The following ZBTB47 variants were observed in gnomAD, a reference collection of about 807,000 sequenced individuals.
The protein encoded by ZBTB47 is zinc finger and BTB domain containing 47, also known as zinc finger and BTB domain-containing protein 47.
ZBTB47 carries 24 observed loss-of-function variants against 56.6 expected under a neutral mutation model. That is an observed-to-expected ratio of 0.42 (90% confidence interval 0.31 to 0.60). ZBTB47 has a LOEUF of 0.60. Among genes scored for constraint, ZBTB47 ranks in the 20% least tolerant of loss-of-function variants. ZBTB47 has a pLI of 0.14. For synonymous variants in ZBTB47, 414 were observed against 418.9 expected, an observed-to-expected ratio of 0.99 and a Z score of 0.14; for missense variants, 829 against 1,032.6, an observed-to-expected ratio of 0.80 and a Z score of 2.70.
In ZBTB47 at chr3:42,664,898, C is replaced by T. The variant is rs1577630505; in HGVS notation, c.*300C>T. 4.0e-6 allele frequency: 1 copy of T among 253,018 alleles called. No individual in the cohort carries two copies. Among genetic ancestry groups the T allele is most frequent in the East Asian group, 7.3e-5 (1 of 13,758 alleles). 15.7% of individuals were successfully genotyped at this position (253,018 alleles called of 1,614,324 possible). A position where few individuals can be genotyped will look rare whatever the true frequency, so the allele number is the denominator to read the frequency against. ...AGAAACTATTTACAGCACTCCCCTC[C>T]AGGTGAGGGGGGTGCTGGGGGTCTG... On this transcript the variant is annotated 3_prime_UTR_variant, in exon 6 of 6. Coordinates refer to ENST00000232974, the MANE Select transcript of ZBTB47 (RefSeq NM_145166.4).
rs1710742738 is a variant in ZBTB47 at position 42,663,209 on chromosome 3, A to G, written c.1737+82A>G. The stretch of plus-strand genomic sequence containing the variant: ...TCAGGGAGCGCAGCTGCTGAAAAAC[A>G]AAGGGCTAGGGGGTGGAATGTAGTG... On this transcript the variant is annotated intron_variant, in intron 4 of 5. Transcript: ENST00000232974. The surrounding 1 kb of genome is among the most constrained non-coding windows in gnomAD (Gnocchi z 5.1). 1 of 1,064,020 alleles carries G rather than the reference A, an allele frequency of 9.4e-7. No individual in the cohort carries two copies. The highest frequency in any genetic ancestry group is 1.6e-5 in the African/African-American group (1 of 64,340). 65.9% of individuals were successfully genotyped at this position (1,064,020 alleles called of 1,614,324 possible). A position where few individuals can be genotyped will look rare whatever the true frequency, so the allele number is the denominator to read the frequency against.
In ZBTB47 at chr3:42,667,286, C is replaced by T. The variant is rs1193783495; in HGVS notation, c.*2688C>T. On this transcript the variant is annotated 3_prime_UTR_variant, in exon 6 of 6. Transcript: ENST00000232974. ...CTCAGGCCTGGAGTCTGGGTCTGCC[C>T]CCTCCCCGGCTCCTTGGGGCTCTCT... 6.6e-6 allele frequency among the ~76,000 whole-genome samples: 1 copy of T among 152,194 alleles called. No individual in the cohort carries two copies. The highest frequency in any genetic ancestry group is 1.5e-5 in the Non-Finnish European group (1 of 68,038).
rs757172546 is a variant in ZBTB47 at position 42,659,395 on chromosome 3, A to AGGAGGAGGG, written c.1055_1063dup (p.Glu352_Glu354dup). ...GAGCAGGATCAAGAGAGCTCTGAGGAGGAGGAGGGGGAGGAGGGGGAGGCT... is the reference window on the plus strand; with the variant it reads ...GAGCAGGATCAAGAGAGCTCTGAGGAGGAGGAGGGGGAGGAGGGGGAGGAGGGGGAGGCT... On this transcript the variant is annotated inframe_insertion, in exon 2 of 6. Transcript: ENST00000232974. The AGGAGGAGGG allele has an allele frequency of 1.1e-6, 1 of 872,922 alleles. No homozygotes were observed. The highest frequency in any genetic ancestry group is 1.4e-6 in the Non-Finnish European group (1 of 733,150). The allele number at this position is 872,922 out of a possible 1,614,324, so 54.1% of individuals were successfully genotyped here. A position where few individuals can be genotyped will look rare whatever the true frequency, so the allele number is the denominator to read the frequency against.
chr3:42,658,149 T>A, intron 1 of ZBTB47, 126 bp from the exon 2 acceptor site: 1 of 1,062,354 alleles, frequency 9.4e-7, no homozygotes, highest in Non-Finnish European at 1.3e-6. Flanking sequence ...GCTCTGTTGC[T>A]GTAAAGTGGA....
intron 3 of ZBTB47, among the ~76,000 whole-genome samples, chr3:42,662,781 A>G (rs184582094): frequency 1.4e-3 from 215 of 152,314 alleles, no homozygotes; most frequent in African/African-American, 5.0e-3. Flanking sequence ...GAGGCTAAAG[A>G]ACCACAGAGC....
chr3:42,653,573 T>G (rs1225403786), upstream of ZBTB47: 2 of 152,520 alleles, frequency 1.3e-5, no homozygotes, highest in Non-Finnish European at 2.9e-5. Context: ...CTGCTCAGCC[T>G]GGCAGCCTTC....
rs1179964128 is a variant in ZBTB47 at position 42,658,407 on chromosome 3, G to A, written c.52G>A (p.Asp18Asn). Residue 18 changes from aspartate (D) to asparagine (N), a missense_variant, in exon 2 of 6, where the codon GAC becomes AAC. Around this residue, in one of 6 missense-constraint regions of ZBTB47, gnomAD observed 120 missense variants for 200.2 expected, o/e 0.60. Coordinates refer to ENST00000232974, the MANE Select transcript of ZBTB47 (RefSeq NM_145166.4). ...CTTCCAGCCTGACCTCTGCGACGTG[G>A]ACTTGGTGCTGGTGCCCCAGCGCAG... ...RLFQPDLCDVDLVLVPQRSVF... is the reference protein window; with the variant it reads ...RLFQPDLCDVNLVLVPQRSVF... 2.0e-6 allele frequency: 3 copies of A among 1,537,000 alleles called. No homozygotes were observed. Among genetic ancestry groups the A allele is most frequent in the Admixed American group, 2.0e-5 (1 of 51,014 alleles).
At position 42,659,737 on chromosome 3, in the gene ZBTB47, G is replaced by T. The variant is rs748657390; in HGVS notation, c.1382G>T (p.Arg461Leu). ...AAACACATGAATGTGACCCACAGCCGCATGCAGATCTGCGACCAGTGCGGC... is the reference window on the plus strand; with the variant it reads ...AAACACATGAATGTGACCCACAGCCTCATGCAGATCTGCGACCAGTGCGGC... ...LEKHMNVTHS[R>L]MQICDQCGKR... The change falls in exon 2 of 6, where the codon CGC becomes CTC. Residue 461 changes from arginine to leucine, a missense_variant. Around this residue, in one of 6 missense-constraint regions of ZBTB47, gnomAD observed 187 missense variants for 253.1 expected, o/e 0.74. Transcript: ENST00000232974. 6.2e-7 allele frequency: 1 copy of T among 1,613,800 alleles called. No homozygotes were observed. The highest frequency in any genetic ancestry group is 8.5e-7 in the Non-Finnish European group (1 of 1,179,820).
At chr3:42,662,537 C>T (rs1577628791) in intron 3 of ZBTB47, among the ~76,000 whole-genome samples, 1 of 152,214 alleles carries the variant, frequency 6.6e-6, no homozygotes, top group African/African-American at 2.4e-5. Context: ...AGACTGCTGG[C>T]TAGGGCCTGA....
chr3:42,660,865 C>T (rs1710707422), intron 2 of ZBTB47, among the ~76,000 whole-genome samples: 1 of 152,192 alleles, frequency 6.6e-6, no homozygotes, highest in Non-Finnish European at 1.5e-5. Context: ...AAGCCTTGGC[C>T]TAGCCTCCAT....
Position 42,654,763 on chromosome 3 carries a change from G to A in ZBTB47, c.-82+880G>A. 1.0e-6 allele frequency: 1 copy of A among 970,790 alleles called. No individual in the cohort carries two copies. The highest frequency in any genetic ancestry group is 1.2e-6 in the Non-Finnish European group (1 of 816,654). 60.1% of individuals were successfully genotyped at this position (970,790 alleles called of 1,614,324 possible). A position where few individuals can be genotyped will look rare whatever the true frequency, so the allele number is the denominator to read the frequency against. ...GCCAGCTCTGACCTCCCAGGCACAC[G>A]GCCCGCGGGCCCGGGTGGAGGGGCT... is the stretch of plus-strand genomic sequence containing the variant. On this transcript the variant is annotated intron_variant, in intron 1 of 5. Coordinates refer to ENST00000232974, the MANE Select transcript of ZBTB47 (RefSeq NM_145166.4). The surrounding 1 kb of genome is among the most constrained non-coding windows in gnomAD (Gnocchi z 5.0).
rs1710614554 is a variant in ZBTB47 at position 42,654,634 on chromosome 3, T to G, written c.-82+751T>G. On this transcript the variant is annotated intron_variant, in intron 1 of 5. Transcript: ENST00000232974. The surrounding 1 kb of genome is among the most constrained non-coding windows in gnomAD (Gnocchi z 5.0). Reference sequence around the variant, plus strand: ...GGCGCTTCATGGAGCGGCCCTGGCCTGGCCGCCGGGGGCAGCGCGATCCCG... The same window carrying G: ...GGCGCTTCATGGAGCGGCCCTGGCCGGGCCGCCGGGGGCAGCGCGATCCCG... 1.0e-6 allele frequency: 1 copy of G among 982,722 alleles called. No individual in the cohort carries two copies. The highest frequency in any genetic ancestry group is 6.2e-5 in the Admixed American group (1 of 16,172). The allele number at this position is 982,722 out of a possible 1,614,324, so 60.9% of individuals were successfully genotyped here. A position where few individuals can be genotyped will look rare whatever the true frequency, so the allele number is the denominator to read the frequency against.
rs1426991401 is a variant in ZBTB47, at chr3:42,663,172, G to T, written c.1737+45G>T. ...CTGGCCTGCCCGAGGGGTCACCTGGGAGGGGCAGGAATCAGGGAGCGCAGC... is the reference window on the plus strand; with the variant it reads ...CTGGCCTGCCCGAGGGGTCACCTGGTAGGGGCAGGAATCAGGGAGCGCAGC... On this transcript the variant is annotated intron_variant, in intron 4 of 5. Transcript: ENST00000232974. This position sits in a 1 kb window ranked among gnomAD's most constrained non-coding sequence, Gnocchi z 5.1. 1.4e-6 allele frequency: 2 copies of T among 1,436,398 alleles called. No individual in the cohort carries two copies. Among genetic ancestry groups the T allele is most frequent in the Non-Finnish European group, 2.0e-6 (2 of 1,019,094 alleles). The allele number at this position is 1,436,398 out of a possible 1,614,324, so 89.0% of individuals were successfully genotyped here.
chr3:42,664,340 C>T lies in ZBTB47; in HGVS notation c.1986C>T (p.Cys662=), dbSNP rs539367074. The T allele has an allele frequency of 4.5e-4, 730 of 1,613,048 alleles. 6 individuals carry two copies. In the East Asian group the frequency reaches 0.015, roughly 33 times the overall value. The stretch of plus-strand genomic sequence containing the variant: ...ACACGGGCGAGAAGCCGTACCCGTG[C>T]GACGTGTGTGGCCAGCGCTTCCGCT... ...RTHTGEKPYP[C]DVCGQRFRFS... The change falls in exon 6 of 6, where the codon TGC becomes TGT. Residue 662 remains cysteine, a synonymous_variant. Coordinates refer to ENST00000232974, the MANE Select transcript of ZBTB47 (RefSeq NM_145166.4).
At position 42,663,158 on chromosome 3, in the gene ZBTB47, G is replaced by A. The variant is rs755884984; in HGVS notation, c.1737+31G>A. On this transcript the variant is annotated intron_variant, in intron 4 of 5. Transcript: ENST00000232974. The surrounding 1 kb of genome is among the most constrained non-coding windows in gnomAD (Gnocchi z 5.1). ...CTTCCATCTCCTGCCTGGCCTGCCC[G>A]AGGGGTCACCTGGGAGGGGCAGGAA... 5.8e-6 allele frequency: 9 copies of A among 1,543,084 alleles called. No homozygotes were observed. Among genetic ancestry groups the A allele is most frequent in the East Asian group, 2.3e-5 (1 of 44,338 alleles).
rs1167452051 is a variant in ZBTB47 at position 42,667,530 on chromosome 3, G to A, written c.*2932G>A. On this transcript the variant is annotated 3_prime_UTR_variant, in exon 6 of 6. Coordinates refer to ENST00000232974, the MANE Select transcript of ZBTB47 (RefSeq NM_145166.4). Reference sequence around the variant, plus strand: ...CCACAGCCCCAGAGCATGGGGCACAGCAGGCATGCGAGTGAGAGGATGAAG... The same window carrying A: ...CCACAGCCCCAGAGCATGGGGCACAACAGGCATGCGAGTGAGAGGATGAAG... 1.3e-5 allele frequency among the ~76,000 whole-genome samples: 2 copies of A among 152,242 alleles called. No individual in the cohort carries two copies. Among genetic ancestry groups the A allele is most frequent in the Non-Finnish European group, 2.9e-5 (2 of 68,034 alleles).
intron 1 of ZBTB47, among the ~76,000 whole-genome samples, chr3:42,655,835 T>A (rs1477881230): frequency 6.6e-6 from 1 of 152,240 alleles, no homozygotes. Flanking sequence ...TGGTGCTGCC[T>A]TGGCTGAGAG....
Position 42,664,413 on chromosome 3 carries a change from C to A in ZBTB47, c.2059C>A (p.His687Asn). The change falls in exon 6 of 6, where the codon CAC (histidine) becomes AAC (asparagine). Residue 687 changes from histidine (H) to asparagine (N), a missense_variant. Around this residue, in one of 6 missense-constraint regions of ZBTB47, gnomAD observed 115 missense variants for 117.2 expected, o/e 0.98. Coordinates refer to ENST00000232974, the MANE Select transcript of ZBTB47 (RefSeq NM_145166.4). The part of the protein sequence containing the change: ...AHKEKCFRVS[H>N]TLAGDGVPAA... ...CAAGGAGAAGTGCTTCCGCGTCAGC[C>A]ACACCCTGGCCGGCGACGGCGTCCC... is the stretch of plus-strand genomic sequence containing the variant. The A allele has an allele frequency of 1.3e-6, 2 of 1,571,542 alleles. No individual in the cohort carries two copies. Among genetic ancestry groups the A allele is most frequent in the Non-Finnish European group, 1.7e-6 (2 of 1,160,964 alleles).
In ZBTB47 at chr3:42,662,929, C is replaced by T. The variant is rs190291468; in HGVS notation, c.1622-83C>T. On this transcript the variant is annotated intron_variant, in intron 3 of 5. Coordinates refer to ENST00000232974, the MANE Select transcript of ZBTB47 (RefSeq NM_145166.4). The stretch of plus-strand genomic sequence containing the variant: ...AGAGAAGGGTGGTGGCACAGGGCTG[C>T]CCCAGGAGGCAGGGTCTGGGCCCAA... The T allele has an allele frequency of 8.4e-4, 805 of 952,802 alleles. 6 individuals carry two copies. The Middle Eastern group carries it at 0.011, about 13-fold the overall frequency. The allele number at this position is 952,802 out of a possible 1,614,324, so 59.0% of individuals were successfully genotyped here. A position where few individuals can be genotyped will look rare whatever the true frequency, so the allele number is the denominator to read the frequency against.
Sources: gnomAD v4.1 joint callset for allele counts (sites outside exome capture counted in the v4.1 genomes callset) on GRCh38, gnomAD v4.1.1 for gene constraint, gnomAD v4.1.1 regional missense constraint, Gnocchi (gnomAD v3.1) non-coding constraint, MANE v1.5 for transcripts, NCBI Gene and HGNC (gene_info 2026-07-23, HGNC 2026-07-21) for gene names.